The following DPP10 variants were observed in gnomAD, a reference collection of about 807,000 sequenced individuals.
DPP10 encodes the protein inactive dipeptidyl peptidase 10.
In DPP10, 33 loss-of-function variants were observed where a neutral mutation model predicts 120.9. The observed-to-expected ratio is 0.27, with a 90% CI of 0.21 to 0.37. The LOEUF (loss-of-function observed/expected upper bound fraction) is 0.37, where lower values mean the gene tolerates loss of function less well. DPP10 is among the 10% of genes least tolerant of loss of function. The pLI, the probability that DPP10 is intolerant of heterozygous loss-of-function variation, is 1.00. For missense variants in DPP10, 816 were observed against 942.8 expected, an observed-to-expected ratio of 0.87 and a Z score of 1.76; for synonymous variants, 337 against 326.1, an observed-to-expected ratio of 1.03 and a Z score of -0.36.
At chr2:115,756,391 C>T (rs1456914661) in intron 11 of DPP10, among the ~76,000 whole-genome samples, 1 of 151,988 alleles carries the variant, frequency 6.6e-6, no homozygotes, top group East Asian at 1.9e-4. Context: ...TATTAATTAT[C>T]CTGACTTTGT....
At chr2:115,680,324 A>G (rs2090564009) in intron 5 of DPP10, among the ~76,000 whole-genome samples, 1 of 152,056 alleles carries the variant, frequency 6.6e-6, no homozygotes. Flanking sequence ...CCAAAATATG[A>G]AAATGTATTA....
intron 1 of DPP10, among the ~76,000 whole-genome samples, chr2:114,846,133 A>G (rs1423844886): frequency 6.6e-6 from 1 of 152,164 alleles, no homozygotes; most frequent in African/African-American, 2.4e-5. Context: ...TCATAGGCAT[A>G]ATGTACCTCC....
chr2:115,575,178 C>T (rs531945066), intron 5 of DPP10, among the ~76,000 whole-genome samples: 23 of 152,182 alleles, frequency 1.5e-4, no homozygotes, highest in Non-Finnish European at 2.9e-4. Context: ...GCAGCTGTAC[C>T]GAGTGCAGAG....
chr2:115,595,241 C>G (rs1466106509), intron 5 of DPP10, among the ~76,000 whole-genome samples: 1 of 152,034 alleles, frequency 6.6e-6, no homozygotes, highest in East Asian at 1.9e-4. Context: ...ATCTGTCTTT[C>G]TCTTCCCTTT....
intron 3 of DPP10, among the ~76,000 whole-genome samples, chr2:115,350,414 G>A (rs1321374345): frequency 1.3e-5 from 2 of 151,858 alleles, no homozygotes; most frequent in Non-Finnish European, 1.5e-5. Context: ...ATTTTCAACA[G>A]GCATTCTGCT....
At chr2:115,620,052 G>T (rs1347341779) in intron 5 of DPP10, among the ~76,000 whole-genome samples, 1 of 152,122 alleles carries the variant, frequency 6.6e-6, no homozygotes, top group Non-Finnish European at 1.5e-5. Flanking sequence ...CTGCTATACT[G>T]ATTGGCATTG....
chr2:115,396,274 A>C (rs778566093), intron 3 of DPP10, among the ~76,000 whole-genome samples: 1 of 152,196 alleles, frequency 6.6e-6, no homozygotes, highest in Non-Finnish European at 1.5e-5. Context: ...GAACTTTTTT[A>C]GAAATCAAGG....
chr2:114,710,518 G>A (rs1291247043), intron 1 of DPP10, among the ~76,000 whole-genome samples: 5 of 152,188 alleles, frequency 3.3e-5, no homozygotes, highest in Admixed American at 6.5e-5. Context: ...GCCAAGGTGG[G>A]TGGATCACTT....
chr2:115,082,509 G>A (rs1348695140), intron 1 of DPP10, among the ~76,000 whole-genome samples: 6 of 152,166 alleles, frequency 3.9e-5, no homozygotes, highest in African/African-American at 1.4e-4. Flanking sequence ...ATGTGGAGTC[G>A]ATTTCTTCAC....
chr2:115,161,601 G>T (rs1398881232), intron 1 of DPP10: 4 of 186,112 alleles, frequency 2.1e-5, no homozygotes, highest in Non-Finnish European at 4.4e-5. Context: ...CGGACTGCGG[G>T]AAGAAGGCAC....
intron 1 of DPP10, among the ~76,000 whole-genome samples, chr2:114,586,756 A>C (rs1382677392): frequency 1.3e-5 from 2 of 152,280 alleles, no homozygotes; most frequent in East Asian, 3.9e-4. Context: ...GTTCTCTTCA[A>C]GGTAATCAGT....
At position 115,416,606 on chromosome 2, in the gene DPP10, G is replaced by C. The variant is rs148724663; in HGVS notation, c.271+72694G>C. Among the ~76,000 whole-genome samples the C allele has an allele frequency of 2.2e-3, 328 of 152,274 alleles. 16 individuals are homozygous for C. In the East Asian group the frequency reaches 0.06, roughly 28 times the overall value. ...ACTACTAAATTAAGCTTATACTGAA[G>C]AGGAGGAGCTAGGAAAATCTTCCTT... On this transcript the variant is annotated intron_variant, in intron 3 of 25. Transcript: ENST00000410059.
At chr2:115,628,970 C>T (rs2085603291) in intron 5 of DPP10, among the ~76,000 whole-genome samples, 1 of 152,124 alleles carries the variant, frequency 6.6e-6, no homozygotes, top group African/African-American at 2.4e-5. Context: ...CCCCCTTCCC[C>T]CTACCCCACG....
intron 3 of DPP10, among the ~76,000 whole-genome samples, chr2:115,448,805 G>A (rs1414272718): frequency 6.6e-6 from 1 of 152,030 alleles, no homozygotes; most frequent in Non-Finnish European, 1.5e-5. Context: ...ATACCACAGA[G>A]ATCCCTTTCC....
At chr2:115,253,808 G>A (rs1046129484) in intron 1 of DPP10, among the ~76,000 whole-genome samples, 6 of 152,182 alleles carry the variant, frequency 3.9e-5, no homozygotes, top group Non-Finnish European at 7.3e-5. Flanking sequence ...CAAACTGCTG[G>A]TGGATCTACC....
rs192872840 is a variant in DPP10 at position 115,247,477 on chromosome 2, G to A, written c.61-61762G>A. ...AATGATATTTATCTCGGAGAATCAG[G>A]AGACCCTGAAATGAGCAAAAAGAGG... On this transcript the variant is annotated intron_variant, in intron 1 of 25. Coordinates refer to ENST00000410059, the MANE Select transcript of DPP10 (RefSeq NM_020868.6). 2.6e-5 allele frequency among the ~76,000 whole-genome samples: 4 copies of A among 152,192 alleles called. 1 individual carries two copies. The East Asian group carries it at 7.7e-4, about 29-fold the overall frequency.
chr2:115,242,301 A>T (rs1017796909), intron 1 of DPP10, among the ~76,000 whole-genome samples: 1 of 151,608 alleles, frequency 6.6e-6, no homozygotes, highest in Admixed American at 6.6e-5. Flanking sequence ...ATAATCTCCA[A>T]TCCCATCCAG....
intron 1 of DPP10, among the ~76,000 whole-genome samples, chr2:114,531,855 A>T (rs567943128): frequency 1.3e-5 from 2 of 152,148 alleles, no homozygotes; most frequent in South Asian, 4.1e-4. Context: ...AGGGATGCTC[A>T]TATATCTTGT....
At chr2:114,662,924 G>A (rs1697542016) in intron 1 of DPP10, among the ~76,000 whole-genome samples, 1 of 152,142 alleles carries the variant, frequency 6.6e-6, no homozygotes, top group Non-Finnish European at 1.5e-5. Context: ...GGTGCTACTC[G>A]CCTTAAGGCA....
Sources: allele counts gnomAD v4.1 joint callset (sites outside exome capture counted in the v4.1 genomes callset), GRCh38; gene constraint gnomAD v4.1.1; transcripts MANE v1.5; gene names NCBI Gene and HGNC (gene_info 2026-07-23, HGNC 2026-07-21).